Variants in CRTC2 observed in about 807,000 individuals in gnomAD.
CRTC2 encodes the protein CREB-regulated transcription coactivator 2.
Under a neutral mutation model 70.9 loss-of-function variants are expected in CRTC2, and 25 were observed. The ratio of observed to expected loss-of-function variants is 0.35; its 90% confidence interval spans 0.26 to 0.49. The LOEUF is 0.49. Among genes scored for constraint, CRTC2 ranks in the 20% least tolerant of loss-of-function variants. CRTC2 has a pLI of 0.98. For synonymous variants in CRTC2, 330 were observed against 364.1 expected (o/e 0.91, Z 1.07); for missense variants, 737 against 882.6 (o/e 0.83, Z 2.09).
At chr1:153,956,557 A>G (rs1680624426) in intron 1 of CRTC2, among the ~76,000 whole-genome samples, 1 of 152,192 alleles carries the variant, frequency 6.6e-6, no homozygotes, top group African/African-American at 2.4e-5. Context: ...CAGAACTGAC[A>G]TTCTGTTCCA....
chr1:153,953,435 C>T, intron 5 of CRTC2, 66 bp from the exon 6 acceptor site: 1 of 1,513,312 alleles, frequency 6.6e-7, no homozygotes, highest in South Asian at 1.1e-5. Flanking sequence ...CCCTGCCCAG[C>T]AAGGGAAAAC....
intron 11 of CRTC2, among the ~76,000 whole-genome samples, chr1:153,950,261 A>T (rs1680253402): frequency 6.6e-6 from 1 of 152,232 alleles, no homozygotes; most frequent in South Asian, 2.1e-4. Context: ...ATTTATTGTT[A>T]GTAAATAAGG....
At position 153,949,212 on chromosome 1, in the gene CRTC2, C is replaced by A. The variant is rs767458793; in HGVS notation, c.1577G>T (p.Gly526Val). The A allele has an allele frequency of 6.2e-7, 1 of 1,614,110 alleles. No individual in the cohort carries two copies. The highest frequency in any genetic ancestry group is 8.5e-7 in the Non-Finnish European group (1 of 1,180,008). ...SVQSSGGQPP[G>V]RQSHYGTPYP... ...CGGTGTCCCATAATGAGACTGCCTG[C>A]CTGGGGGCTGCCCACCTGAGGACTG... The change falls in exon 12 of 14, where the codon GGC (glycine) becomes GTC (valine). Residue 526 changes from glycine to valine, a missense_variant. By Grantham distance (109) the Gly-to-Val change is moderately radical (BLOSUM62 -3). Coordinates refer to ENST00000368633, the MANE Select transcript of CRTC2 (RefSeq NM_181715.3).
intron 6 of CRTC2, 73 bp from the exon 7 acceptor site, chr1:153,952,907 G>C: frequency 6.3e-7 from 1 of 1,576,012 alleles, no homozygotes; most frequent in East Asian, 2.2e-5. Context: ...ATGGAGGCCG[G>C]GTATGGTGGC....
At position 153,958,580 on chromosome 1, in the gene CRTC2, A is replaced by G. The variant is rs998521906; in HGVS notation, c.-83T>C. 14 of 1,368,884 alleles carry G rather than the reference A, an allele frequency of 1.0e-5. No homozygotes were observed. The African/African-American group carries it at 1.8e-4, about 17-fold the overall frequency. The allele number at this position is 1,368,884 out of a possible 1,614,324, so 84.8% of individuals were successfully genotyped here. On this transcript the variant is annotated 5_prime_UTR_variant, in exon 1 of 14. Transcript: ENST00000368633. ...GCCTCGGCCCGGCTCCTCCAGCCGT[A>G]GCCACCGCCGCCTCAGCGAGCACCG...
At chr1:153,958,324 C>A (rs746900860) in intron 1 of CRTC2, 21 bp downstream of exon 1, 18 of 1,608,350 alleles carry the variant, frequency 1.1e-5, no homozygotes, top group Middle Eastern at 1.7e-4. Context: ...TCTGCTCCGG[C>A]TCCCCGGCGC....
intron 6 of CRTC2, 107 bp from the exon 7 acceptor site, chr1:153,952,941 T>C: frequency 7.2e-7 from 1 of 1,387,618 alleles, no homozygotes; most frequent in Non-Finnish European, 1.0e-6. Context: ...CCCAGCACTT[T>C]GGGAGGCCGA....
At chr1:153,952,674 A>G in intron 7 of CRTC2, 39 bp from the exon 8 acceptor site, 1 of 1,612,526 alleles carries the variant, frequency 6.2e-7, no homozygotes, top group East Asian at 2.2e-5. Flanking sequence ...AGTTGGAGAA[A>G]GAGCCAGTAA....
chr1:153,951,720 C>G (rs945728265), intron 10 of CRTC2, 54 bp from the exon 11 acceptor site: 1 of 1,577,440 alleles, frequency 6.3e-7, no homozygotes, highest in African/African-American at 1.4e-5. Flanking sequence ...GGGAACTGAG[C>G]CCCTTTCCAC....
intron 1 of CRTC2, among the ~76,000 whole-genome samples, chr1:153,955,435 C>T (rs539315071): frequency 1.5e-4 from 22 of 151,658 alleles, no homozygotes; most frequent in African/African-American, 4.4e-4. Context: ...GGCGTGGTGG[C>T]GGGCGCCTGT....
intron 11 of CRTC2, among the ~76,000 whole-genome samples, chr1:153,950,434 G>A (rs561188765): frequency 1.3e-5 from 2 of 152,314 alleles, no homozygotes; most frequent in East Asian, 3.9e-4. Flanking sequence ...CAAAAGAGGG[G>A]ACCTGAGTAA....
In CRTC2 at chr1:153,947,899, C is replaced by G; in HGVS notation, c.*210G>C. On this transcript the variant is annotated 3_prime_UTR_variant, in exon 14 of 14. Coordinates refer to ENST00000368633, the MANE Select transcript of CRTC2 (RefSeq NM_181715.3). ...TTCAAAGTTACAAGTGCTTTAGGCC[C>G]TCCCTTGAGTTCCCCCAGGCCCATC... 1.0e-5 allele frequency: 6 copies of G among 601,270 alleles called. No homozygotes were observed. Among genetic ancestry groups the G allele is most frequent in the Non-Finnish European group, 1.8e-5 (6 of 339,886 alleles). 37.2% of individuals were successfully genotyped at this position (601,270 alleles called of 1,614,324 possible).
At position 153,954,999 on chromosome 1, in the gene CRTC2, A is replaced by G. The variant is rs753252003; in HGVS notation, c.256-10T>C. 30 of 1,612,914 alleles carry G rather than the reference A, an allele frequency of 1.9e-5. No homozygotes were observed. Among genetic ancestry groups the G allele is most frequent in the Middle Eastern group, 1.6e-4 (1 of 6,082 alleles). ...GTGAGTGGAGGGGGCTCTGCCAAAA[A>G]GGACAGAAGTCAGCAGAGGAAGCAG... On this transcript the variant is annotated splice_polypyrimidine_tract_variant and intron_variant, in intron 2 of 13. Coordinates refer to ENST00000368633, the MANE Select transcript of CRTC2 (RefSeq NM_181715.3).
Position 153,951,448 on chromosome 1 carries a change from T to C in CRTC2, c.1216A>G (p.Thr406Ala), listed in dbSNP as rs368360023. 2.1e-5 allele frequency: 34 copies of C among 1,597,664 alleles called. No individual in the cohort carries two copies. Among genetic ancestry groups the C allele is most frequent in the Non-Finnish European group, 2.7e-5 (32 of 1,172,244 alleles). The stretch of plus-strand genomic sequence containing the variant: ...GGGGCGCCCAAAACAGGAGATGAAG[T>C]GGAGGAGGAGGAAGAGGAGGAGGAG... Reference protein sequence around the residue: ...ALSSSSSSSSTSSPVLGAPSY... With the variant: ...ALSSSSSSSSASSPVLGAPSY... The change falls in exon 11 of 14, where the codon ACT becomes GCT. Residue 406 changes from threonine (T) to alanine (A), a missense_variant. By Grantham distance (58) the Thr-to-Ala change is moderately conservative (BLOSUM62 0). Transcript: ENST00000368633.
chr1:153,949,125 T>C lies in CRTC2; in HGVS notation c.1664A>G (p.Asn555Ser), dbSNP rs754888963. ...QSYHRPMSDF[N>S]LGNLEQFSME... ...AGCCTGAGTACTCACATTCCCCAGGTTGAAGTCACTCATTGGCCGGTGGTA... is the reference window on the plus strand; with the variant it reads ...AGCCTGAGTACTCACATTCCCCAGGCTGAAGTCACTCATTGGCCGGTGGTA... The change falls in exon 12 of 14, where the codon AAC (asparagine) becomes AGC (serine). Residue 555 changes from asparagine to serine, a missense_variant. This residue lies in a region of CRTC2 where 699 missense variants were observed against 823.7 expected (regional missense o/e 0.85). Transcript: ENST00000368633. 1.9e-6 allele frequency: 3 copies of C among 1,607,708 alleles called. No homozygotes were observed. The highest frequency in any genetic ancestry group is 2.6e-6 in the Non-Finnish European group (3 of 1,176,444).
At chr1:153,954,714 T>C (rs1205717211) in intron 3 of CRTC2, among the ~76,000 whole-genome samples, 159 bp downstream of exon 3, 1 of 152,120 alleles carries the variant, frequency 6.6e-6, no homozygotes, top group Non-Finnish European at 1.5e-5. Flanking sequence ...CAGGAGCAGG[T>C]GCTGACGCAG....
At chr1:153,958,226 G>C in intron 1 of CRTC2, 119 bp downstream of exon 1, 1 of 1,437,876 alleles carries the variant, frequency 7.0e-7, no homozygotes, top group Non-Finnish European at 9.1e-7. Context: ...AAACGGCGGC[G>C]CCCGCGTCCC....
At chr1:153,949,438 T>C in intron 11 of CRTC2, 54 bp from the exon 12 acceptor site, 2 of 1,511,472 alleles carry the variant, frequency 1.3e-6, no homozygotes, top group Non-Finnish European at 1.8e-6. Context: ...CCCCAAGAAC[T>C]CTCAGTCAGA....
intron 1 of CRTC2, among the ~76,000 whole-genome samples, chr1:153,956,534 C>T (rs1286485792): frequency 6.6e-6 from 1 of 152,222 alleles, no homozygotes; most frequent in African/African-American, 2.4e-5. Flanking sequence ...CACTCTTGTA[C>T]AGAAGCCAAC....
Sources: allele counts gnomAD v4.1 joint callset (sites outside exome capture counted in the v4.1 genomes callset), GRCh38; gene constraint gnomAD v4.1.1; regional missense constraint gnomAD v4.1.1; transcripts MANE v1.5; gene names NCBI Gene and HGNC (gene_info 2026-07-23, HGNC 2026-07-21).